ANO2: variants seen among roughly 807,000 people sequenced by gnomAD.
The protein encoded by ANO2 is anoctamin 2.
ANO2 carries 101 observed loss-of-function variants against 124.2 expected under a neutral mutation model. The observed-to-expected ratio is 0.81, with a 90% CI of 0.69 to 0.96. The LOEUF is 0.96. Among genes scored for constraint, ANO2 ranks in the 40% least tolerant of loss-of-function variants. ANO2 has a pLI of 0.00. For synonymous variants in ANO2, 486 were observed against 482.5 expected (o/e 1.01, Z -0.09); for missense variants, 1,293 against 1,274.5 (o/e 1.01, Z -0.22).
At chr12:5,662,269 G>A (rs1012808724) in intron 14 of ANO2, among the ~76,000 whole-genome samples, 1 of 152,188 alleles carries the variant, frequency 6.6e-6, no homozygotes, top group Non-Finnish European at 1.5e-5. Context: ...AATTTATTGG[G>A]TTTTAAAATT....
At chr12:5,668,795 A>G (rs1947857434) in intron 14 of ANO2, among the ~76,000 whole-genome samples, 1 of 152,168 alleles carries the variant, frequency 6.6e-6, no homozygotes, top group Non-Finnish European at 1.5e-5. Flanking sequence ...CCATTTATTA[A>G]ATAGGGAATC....
intron 14 of ANO2, among the ~76,000 whole-genome samples, chr12:5,727,635 C>CTTTTT (rs34307471): frequency 1.6e-5 from 1 of 64,222 alleles, no homozygotes; most frequent in Non-Finnish European, 3.8e-5. Flanking sequence ...TCACCACTTC[C>CTTTTT]TTTTTTTTTT....
intron 3 of ANO2, among the ~76,000 whole-genome samples, chr12:5,914,567 C>A (rs1941270784): frequency 6.6e-6 from 1 of 152,206 alleles, no homozygotes. Flanking sequence ...AGCCCGTAGA[C>A]CTGCTGGCGA....
chr12:5,681,022 G>A (rs776720483), intron 14 of ANO2, among the ~76,000 whole-genome samples: 21 of 152,198 alleles, frequency 1.4e-4, no homozygotes, highest in Non-Finnish European at 2.2e-4. Context: ...GGGAACATGG[G>A]TACTAGTTCC....
At chr12:5,888,440 T>G (rs142349973) in intron 3 of ANO2, among the ~76,000 whole-genome samples, 170 of 152,258 alleles carry the variant, frequency 1.1e-3, no homozygotes, top group Non-Finnish European at 1.6e-3. Flanking sequence ...CTGCTTTTAT[T>G]CTCTTATCTG....
Position 5,802,070 on chromosome 12 carries a change from A to C in ANO2, c.991-2499T>G, listed in dbSNP as rs138765063. 2.5e-3 allele frequency among the ~76,000 whole-genome samples: 383 copies of C among 152,330 alleles called. 1 individual carries two copies. The East Asian group carries it at 0.025, about 10-fold the overall frequency. ...AAATTCCTCCCCAAGTCATATGTCC[A>C]GGCAAAACCTGAGCTTGAGAACACC... On this transcript the variant is annotated intron_variant, in intron 9 of 24. Coordinates refer to ENST00000682330, the MANE Select transcript of ANO2 (RefSeq NM_001364791.2).
At chr12:5,663,816 C>G (rs1433936660) in intron 14 of ANO2, among the ~76,000 whole-genome samples, 2 of 152,176 alleles carry the variant, frequency 1.3e-5, no homozygotes, top group Admixed American at 1.3e-4. Flanking sequence ...CGGGTCAGGC[C>G]TCTAAGATGT....
intron 16 of ANO2, among the ~76,000 whole-genome samples, chr12:5,626,509 G>C (rs1164238583): frequency 6.6e-6 from 1 of 152,180 alleles, no homozygotes; most frequent in Admixed American, 6.5e-5. Flanking sequence ...CTAGTGTCCA[G>C]CAGCAATGTT....
At chr12:5,782,050 C>T (rs938691882) in intron 10 of ANO2, among the ~76,000 whole-genome samples, 1 of 152,162 alleles carries the variant, frequency 6.6e-6, no homozygotes, top group African/African-American at 2.4e-5. Flanking sequence ...GATGGTATCA[C>T]CAATATGTAA....
intron 3 of ANO2, among the ~76,000 whole-genome samples, chr12:5,880,891 G>A (rs575756192): frequency 1.2e-5 from 1 of 84,306 alleles, no homozygotes; most frequent in Non-Finnish European, 2.6e-5. Context: ...TGAGTGGATG[G>A]GTAGGTGGGG....
At chr12:5,797,231 G>C (rs1952889680) in intron 10 of ANO2, among the ~76,000 whole-genome samples, 1 of 152,208 alleles carries the variant, frequency 6.6e-6, no homozygotes, top group African/African-American at 2.4e-5. Flanking sequence ...TCTGCAGGCA[G>C]GTGGGCCCCG....
intron 10 of ANO2, among the ~76,000 whole-genome samples, chr12:5,792,194 C>G (rs1403682977): frequency 6.6e-6 from 1 of 152,166 alleles, no homozygotes; most frequent in East Asian, 1.9e-4. Context: ...GGAGGTAAAA[C>G]TGAGTTCTTT....
In ANO2 at chr12:5,635,756, G is replaced by A. The variant is rs1945985975; in HGVS notation, c.1621-409C>T. On this transcript the variant is annotated intron_variant, in intron 15 of 24. Coordinates refer to ENST00000682330, the MANE Select transcript of ANO2 (RefSeq NM_001364791.2). The surrounding 1 kb of genome is among the most constrained non-coding windows in gnomAD (Gnocchi z 5.2). ...TTTTAAATAAACCATAGTAAATAATGCCCAAGAAGGTATTAAGTGCTAAAT... is the reference window on the plus strand; with the variant it reads ...TTTTAAATAAACCATAGTAAATAATACCCAAGAAGGTATTAAGTGCTAAAT... Among the ~76,000 whole-genome samples the A allele has an allele frequency of 6.6e-6, 1 of 152,082 alleles. No homozygotes were observed. Among genetic ancestry groups the A allele is most frequent in the African/African-American group, 2.4e-5 (1 of 41,404 alleles).
chr12:5,583,953 G>T, intron 20 of ANO2: 1 of 228,636 alleles, frequency 4.4e-6, no homozygotes. Context: ...CATCCTGAAG[G>T]CACGGAGCAC....
intron 14 of ANO2, among the ~76,000 whole-genome samples, chr12:5,709,409 C>A (rs891143109): frequency 2.0e-5 from 3 of 152,182 alleles, no homozygotes; most frequent in Non-Finnish European, 4.4e-5. Context: ...AGTGTGCCCT[C>A]CCCTTCAATG....
intron 10 of ANO2, among the ~76,000 whole-genome samples, chr12:5,795,126 C>T (rs11063869): frequency 0.21 from 32,036 of 152,226 alleles, 3,681 homozygotes; most frequent in Middle Eastern, 0.28. Flanking sequence ...CTGGCAAGGA[C>T]GGTGACCTGT....
At chr12:5,618,697 C>A (rs1464993458) in intron 16 of ANO2, among the ~76,000 whole-genome samples, 2 of 152,190 alleles carry the variant, frequency 1.3e-5, no homozygotes, top group East Asian at 3.9e-4. Context: ...ACCTGATGCG[C>A]CTAAGAAATA....
chr12:5,911,994 G>A (rs1006780289), intron 3 of ANO2, among the ~76,000 whole-genome samples: 11 of 152,186 alleles, frequency 7.2e-5, no homozygotes, highest in African/African-American at 1.7e-4. Context: ...AAGGACAACC[G>A]TGACATTCGT....
chr12:5,663,776 A>G (rs1321759879), intron 14 of ANO2, among the ~76,000 whole-genome samples: 4 of 152,176 alleles, frequency 2.6e-5, no homozygotes, highest in Non-Finnish European at 5.9e-5. Context: ...CTGACCCTCA[A>G]GAGGGGTTAA....
Sources: gnomAD v4.1 joint callset for allele counts (sites outside exome capture counted in the v4.1 genomes callset) on GRCh38, gnomAD v4.1.1 for gene constraint, Gnocchi (gnomAD v3.1) non-coding constraint, MANE v1.5 for transcripts, NCBI Gene and HGNC (gene_info 2026-07-23, HGNC 2026-07-21) for gene names.